The following ABLIM3 variants were observed in gnomAD, a reference collection of about 807,000 sequenced individuals.
The protein encoded by ABLIM3 is actin binding LIM protein family member 3, also known as actin-binding LIM protein 3.
In ABLIM3, 61 loss-of-function variants were observed where a neutral mutation model predicts 109.5. The observed-to-expected ratio is 0.56, with a 90% confidence interval of 0.45 to 0.69. The LOEUF is 0.69. ABLIM3 is among the 30% of genes least tolerant of loss of function. The pLI, the probability that ABLIM3 is intolerant of heterozygous loss-of-function variation, is 0.00. For synonymous variants in ABLIM3, 300 were observed against 324.8 expected (o/e 0.92, Z 0.82); for missense variants, 796 against 889.5 (o/e 0.89, Z 1.34).
At chr5:149,156,212 A>G (rs1214548915) in intron 2 of ABLIM3, among the ~76,000 whole-genome samples, 1 of 152,232 alleles carries the variant, frequency 6.6e-6, no homozygotes, top group Non-Finnish European at 1.5e-5. Flanking sequence ...AGAAGGCTAG[A>G]TCGTATATTT....
intron 6 of ABLIM3, among the ~76,000 whole-genome samples, chr5:149,210,419 G>A (rs1561590643): frequency 6.6e-6 from 1 of 152,218 alleles, no homozygotes; most frequent in Non-Finnish European, 1.5e-5. Flanking sequence ...AGCAACAAAT[G>A]TTAGTGGCTA....
chr5:149,217,145 T>A, intron 8 of ABLIM3, 99 bp downstream of exon 8: 1 of 1,192,042 alleles, frequency 8.4e-7, no homozygotes, highest in South Asian at 1.3e-5. Flanking sequence ...TCAGGTTCAG[T>A]GTTATCTTGG....
chr5:149,195,275 G>A (rs923786631), intron 3 of ABLIM3, among the ~76,000 whole-genome samples: 1 of 152,174 alleles, frequency 6.6e-6, no homozygotes, highest in African/African-American at 2.4e-5. Flanking sequence ...GTTCACTGAC[G>A]CATTCTGGGG....
chr5:149,252,764 C>G lies in ABLIM3; in HGVS notation c.1865C>G (p.Pro622Arg). The part of the protein sequence containing the change: ...NWGMREYKIY[P>R]YELLLVTTRG... ...ACCCCCCTTTCTCCTTAGATCTACC[C>G]TTATGAACTGCTGCTGGTGACTACA... The change falls in exon 23 of 24, where the codon CCT (proline) becomes CGT (arginine). Residue 622 changes from proline to arginine, a missense_variant. Transcript: ENST00000309868. 2 of 1,613,146 alleles carry G rather than the reference C, an allele frequency of 1.2e-6. No individual in the cohort carries two copies. The highest frequency in any genetic ancestry group is 1.7e-6 in the Non-Finnish European group (2 of 1,179,324).
chr5:149,224,858 G>A (rs1181796184), intron 8 of ABLIM3, among the ~76,000 whole-genome samples: 1 of 152,210 alleles, frequency 6.6e-6, no homozygotes, highest in African/African-American at 2.4e-5. Context: ...GGCACAGAGA[G>A]GCAACTGACT....
At chr5:149,227,769 C>T (rs1761465555) in intron 8 of ABLIM3, among the ~76,000 whole-genome samples, 1 of 152,194 alleles carries the variant, frequency 6.6e-6, no homozygotes, top group Non-Finnish European at 1.5e-5. Flanking sequence ...TAATCAGAGT[C>T]TAGATTGTAC....
At chr5:149,151,169 G>C (rs1375899598) in intron 2 of ABLIM3, among the ~76,000 whole-genome samples, 1 of 152,122 alleles carries the variant, frequency 6.6e-6, no homozygotes, top group Non-Finnish European at 1.5e-5. Flanking sequence ...ATGTCTACTC[G>C]AGGCCTCTCC....
Position 149,160,436 on chromosome 5 carries a change from C to T in ABLIM3, c.13+18328C>T, listed in dbSNP as rs554162034. The stretch of plus-strand genomic sequence containing the variant: ...TTGCACATCTGCACTCTAGTCTGGG[C>T]GACAGAGTGAGTGAGACTCCGTCTC... On this transcript the variant is annotated intron_variant, in intron 2 of 23. Coordinates refer to ENST00000309868, the MANE Select transcript of ABLIM3 (RefSeq NM_014945.5). Among the ~76,000 whole-genome samples the T allele has an allele frequency of 3.1e-4, 44 of 141,328 alleles. No homozygotes were observed. In the South Asian group the frequency reaches 8.8e-3, roughly 28 times the overall value. The allele number at this position is 141,328 out of a possible 152,430, so 92.7% of individuals were successfully genotyped here.
intron 2 of ABLIM3, chr5:149,177,151 G>A (rs1217979873): frequency 1.3e-5 from 2 of 152,224 alleles, no homozygotes; most frequent in Admixed American, 6.5e-5. Flanking sequence ...AGGTGTAATG[G>A]TGAACTGGAA....
intron 2 of ABLIM3, among the ~76,000 whole-genome samples, chr5:149,148,153 CA>C (rs1214461428): frequency 2.0e-5 from 3 of 152,282 alleles, no homozygotes; most frequent in East Asian, 3.9e-4. Context: ...ATTACAAAAA[CA>C]AGAGCATGCT....
At chr5:149,170,228 T>TTTTTTTTCTCTCTCTCTCTC (rs1554082423) in intron 2 of ABLIM3, among the ~76,000 whole-genome samples, 1 of 124,604 alleles carries the variant, frequency 8.0e-6, no homozygotes, top group African/African-American at 3.1e-5. Flanking sequence ...AGGGTTCTGT[T>TTTTTTTTCTCTCTCTCTCTC]TCTCTCTCTC....
At chr5:149,251,337 C>T (rs373953877) in intron 20 of ABLIM3, 22 bp from the exon 21 acceptor site, 201 of 1,613,838 alleles carry the variant, frequency 1.2e-4, no homozygotes, top group East Asian at 1.8e-4. Context: ...TCAGGCCAGC[C>T]GTGGTTCTGT....
intron 8 of ABLIM3, among the ~76,000 whole-genome samples, chr5:149,228,676 A>G (rs971837188): frequency 6.6e-6 from 1 of 152,174 alleles, no homozygotes; most frequent in Non-Finnish European, 1.5e-5. Flanking sequence ...ATTGCTAGCT[A>G]CCAACTAACT....
At position 149,186,751 on chromosome 5, in the gene ABLIM3, G is replaced by A. The variant is rs959227314; in HGVS notation, c.151+3162G>A. Among the ~76,000 whole-genome samples the A allele has an allele frequency of 2.6e-5, 4 of 151,784 alleles. 1 individual carries two copies. Among genetic ancestry groups the A allele is most frequent in the African/African-American group, 9.7e-5 (4 of 41,312 alleles). ...AATGAGAGCCAGCAGAAACAATGGC[G>A]AGCAGAATCAGAACCTCAACAACTT... is the stretch of plus-strand genomic sequence containing the variant. On this transcript the variant is annotated intron_variant, in intron 3 of 23. Coordinates refer to ENST00000309868, the MANE Select transcript of ABLIM3 (RefSeq NM_014945.5).
At chr5:149,209,606 T>C (rs575649941) in intron 6 of ABLIM3, among the ~76,000 whole-genome samples, 1 of 152,364 alleles carries the variant, frequency 6.6e-6, no homozygotes, top group East Asian at 1.9e-4. Flanking sequence ...TTGGCATTTA[T>C]ACTCAAATCT....
chr5:149,158,717 G>A (rs1156230723), intron 2 of ABLIM3, among the ~76,000 whole-genome samples: 1 of 152,132 alleles, frequency 6.6e-6, no homozygotes, highest in Admixed American at 6.5e-5. Context: ...CACAGCTTCT[G>A]CAAGAAAATG....
chr5:149,190,087 G>A lies in ABLIM3; in HGVS notation c.151+6498G>A, dbSNP rs980820166. Among the ~76,000 whole-genome samples the A allele has an allele frequency of 7.2e-5, 11 of 152,238 alleles. No homozygotes were observed. In the East Asian group the frequency reaches 7.7e-4, roughly 11 times the overall value. ...CAATGGGAATAAACCTTGAAAACAC[G>A]TAAAAGAAAACAGTCACAAAAGGCT... On this transcript the variant is annotated intron_variant, in intron 3 of 23. Coordinates refer to ENST00000309868, the MANE Select transcript of ABLIM3 (RefSeq NM_014945.5).
chr5:149,189,886 T>C (rs74619586), intron 3 of ABLIM3, among the ~76,000 whole-genome samples: 7,587 of 152,226 alleles, frequency 0.05, 578 homozygotes, highest in African/African-American at 0.17. Flanking sequence ...GAAATAAAAA[T>C]ATATGTTCAC....
At chr5:149,235,330 G>C (rs753246046) in intron 10 of ABLIM3, among the ~76,000 whole-genome samples, 4 of 152,218 alleles carry the variant, frequency 2.6e-5, no homozygotes, top group Non-Finnish European at 5.9e-5. Context: ...TGAGATTTTA[G>C]ATTCAAATAG....
Sources: gnomAD v4.1 joint callset for allele counts (sites outside exome capture counted in the v4.1 genomes callset) on GRCh38, gnomAD v4.1.1 for gene constraint, MANE v1.5 for transcripts, NCBI Gene and HGNC (gene_info 2026-07-23, HGNC 2026-07-21) for gene names.